Variants in SORCS1 observed in about 807,000 individuals in gnomAD.
The protein encoded by SORCS1 is sortilin related VPS10 domain containing receptor 1.
SORCS1 carries 60 observed loss-of-function variants against 146.1 expected under a neutral mutation model. The ratio of observed to expected loss-of-function variants is 0.41; its 90% CI spans 0.33 to 0.51. The LOEUF (loss-of-function observed/expected upper bound fraction) is 0.51. Ranked by LOEUF, SORCS1 falls within the 20% of genes least tolerant of loss-of-function variation. The pLI, the probability that SORCS1 is intolerant of heterozygous loss-of-function variation, is 0.21. For missense variants in SORCS1, 1,352 were observed against 1,487.6 expected (o/e 0.91, Z 1.50); for synonymous variants, 637 against 584.0 (o/e 1.09, Z -1.31).
intron 2 of SORCS1, among the ~76,000 whole-genome samples, chr10:106,851,037 C>T (rs907288991): frequency 9.8e-5 from 15 of 152,310 alleles, no homozygotes; most frequent in African/African-American, 3.6e-4. Flanking sequence ...ACTGCCACTA[C>T]CTTAATCCTA....
At chr10:107,035,995 G>T (rs1052781262) in intron 1 of SORCS1, among the ~76,000 whole-genome samples, 1 of 150,718 alleles carries the variant, frequency 6.6e-6, no homozygotes, top group African/African-American at 2.4e-5. Context: ...GCAGAATCAG[G>T]ATTTGAACAC....
At chr10:107,042,537 A>G (rs988246535) in intron 1 of SORCS1, among the ~76,000 whole-genome samples, 1 of 152,138 alleles carries the variant, frequency 6.6e-6, no homozygotes, top group South Asian at 2.1e-4. Flanking sequence ...TCTTCCTTGC[A>G]CATGGACAAA....
chr10:107,117,181 G>C (rs1315200113), intron 1 of SORCS1, among the ~76,000 whole-genome samples: 1 of 152,168 alleles, frequency 6.6e-6, no homozygotes, highest in Non-Finnish European at 1.5e-5. Context: ...AGATTAATAT[G>C]GGTGTGAACT....
chr10:106,618,419 C>T, intron 20 of SORCS1, 147 bp from the exon 21 acceptor site: 1 of 971,650 alleles, frequency 1.0e-6, no homozygotes. Flanking sequence ...CTATGCCTCC[C>T]TATCATCTCA....
At chr10:106,950,985 G>A (rs767772967) in intron 2 of SORCS1, among the ~76,000 whole-genome samples, 11 of 152,084 alleles carry the variant, frequency 7.2e-5, no homozygotes, top group South Asian at 2.1e-4. Context: ...GATGAGTTAC[G>A]AAGAGAAAAT....
At chr10:106,923,918 C>A (rs1475718543) in intron 2 of SORCS1, among the ~76,000 whole-genome samples, 4 of 152,148 alleles carry the variant, frequency 2.6e-5, no homozygotes, top group Admixed American at 6.5e-5. Context: ...CAAATATTTT[C>A]CCCAATCTGT....
At chr10:106,644,107 C>T (rs368722589) in intron 18 of SORCS1, among the ~76,000 whole-genome samples, 2 of 151,922 alleles carry the variant, frequency 1.3e-5, no homozygotes, top group East Asian at 1.9e-4. Flanking sequence ...CCTTTTTTTG[C>T]CCAAATACCT....
chr10:106,923,980 G>A (rs984127627), intron 2 of SORCS1, among the ~76,000 whole-genome samples: 9 of 152,190 alleles, frequency 5.9e-5, no homozygotes, highest in African/African-American at 1.2e-4. Context: ...TAATCTGGCT[G>A]GGCGCAGTGG....
intron 18 of SORCS1, among the ~76,000 whole-genome samples, chr10:106,645,627 G>A (rs981291874): frequency 2.0e-5 from 3 of 152,046 alleles, no homozygotes; most frequent in Admixed American, 1.3e-4. Context: ...TGAGTCATTT[G>A]TGCATTTTCT....
intron 5 of SORCS1, among the ~76,000 whole-genome samples, chr10:106,732,988 GTGTACC>G (rs999253323): frequency 1.3e-5 from 2 of 151,850 alleles, no homozygotes; most frequent in African/African-American, 4.8e-5. Context: ...GTGTGGTGGT[GTGTACC>G]TGTTTCGGGA....
intron 3 of SORCS1, among the ~76,000 whole-genome samples, chr10:106,820,744 C>T (rs540363185): frequency 5.9e-5 from 9 of 152,252 alleles, no homozygotes; most frequent in East Asian, 1.9e-4. Flanking sequence ...GCAGCACAGG[C>T]TATTCACTAG....
At chr10:106,793,761 T>C (rs1484256023) in intron 3 of SORCS1, among the ~76,000 whole-genome samples, 3 of 152,248 alleles carry the variant, frequency 2.0e-5, no homozygotes, top group Non-Finnish European at 4.4e-5. Flanking sequence ...CAGCCAAATG[T>C]ATAAGTACTG....
chr10:107,155,563 T>C (rs1315977609), intron 1 of SORCS1, among the ~76,000 whole-genome samples: 1 of 152,198 alleles, frequency 6.6e-6, no homozygotes, highest in African/African-American at 2.4e-5. Flanking sequence ...GATAAATTTC[T>C]AAACCAGGGT....
intron 1 of SORCS1, among the ~76,000 whole-genome samples, chr10:106,994,937 C>T (rs1350874605): frequency 6.6e-6 from 1 of 152,078 alleles, no homozygotes. Context: ...TAAATGGAAA[C>T]CTTGTCAACA....
At chr10:107,065,386 T>A (rs1009380106) in intron 1 of SORCS1, among the ~76,000 whole-genome samples, 7 of 143,638 alleles carry the variant, frequency 4.9e-5, no homozygotes, top group Non-Finnish European at 9.1e-5. Flanking sequence ...ACTTCTAATA[T>A]TATGCTGAAC....
chr10:106,721,712 A>T (rs1357994882), intron 6 of SORCS1, among the ~76,000 whole-genome samples: 3 of 152,202 alleles, frequency 2.0e-5, no homozygotes, highest in African/African-American at 7.2e-5. Flanking sequence ...AATGTATATA[A>T]TCTCTGACCC....
intron 1 of SORCS1, among the ~76,000 whole-genome samples, chr10:107,079,227 A>G (rs1963137020): frequency 1.3e-5 from 2 of 149,384 alleles, no homozygotes; most frequent in African/African-American, 4.9e-5. Flanking sequence ...CTCTGTCTCA[A>G]AAAAAAAAAA....
chr10:107,018,192 G>A (rs541313535), intron 1 of SORCS1, among the ~76,000 whole-genome samples: 12 of 149,368 alleles, frequency 8.0e-5, no homozygotes, highest in South Asian at 2.1e-4. Flanking sequence ...TTTTTTTTTC[G>A]GAGACGGAGT....
At chr10:106,995,784 AT>A (rs1052812085) in intron 1 of SORCS1, among the ~76,000 whole-genome samples, 7 of 152,138 alleles carry the variant, frequency 4.6e-5, no homozygotes, top group African/African-American at 1.4e-4. Flanking sequence ...CTAAGTGATA[AT>A]TTAAAAAAAA....
Sources: gnomAD v4.1 joint callset for allele counts (sites outside exome capture counted in the v4.1 genomes callset) on GRCh38, gnomAD v4.1.1 for gene constraint, MANE v1.5 for transcripts, NCBI Gene and HGNC (gene_info 2026-07-23, HGNC 2026-07-21) for gene names.